Variants in MINDY3 observed in about 807,000 individuals in gnomAD.
MINDY3 encodes the protein MINDY lysine 48 deubiquitinase 3, also known as ubiquitin carboxyl-terminal hydrolase MINDY-3.
A neutral mutation model predicts 69.2 loss-of-function variants in MINDY3; 38 were observed. The ratio of observed to expected loss-of-function variants is 0.55; its 90% CI spans 0.42 to 0.72. MINDY3 has a LOEUF of 0.72. MINDY3 is among the 30% of genes least tolerant of loss of function. MINDY3 has a pLI of 0.00. For synonymous variants in MINDY3, 192 were observed against 180.1 expected (o/e 1.07, Z -0.53); for missense variants, 522 against 519.0 (o/e 1.01, Z -0.06).
chr10:15,830,091 T>C (rs1252463807), intron 8 of MINDY3, among the ~76,000 whole-genome samples: 2 of 152,148 alleles, frequency 1.3e-5, no homozygotes, highest in Non-Finnish European at 2.9e-5. Context: ...GGTTTTCAAA[T>C]AAAGCTTGTT....
intron 12 of MINDY3, 98 bp from the exon 13 acceptor site, chr10:15,786,746 G>A (rs1279714513): frequency 6.9e-6 from 5 of 724,050 alleles, no homozygotes; most frequent in Non-Finnish European, 9.7e-6. Context: ...ACATTCGGCT[G>A]CCAAAAACAC....
At position 15,834,523 on chromosome 10, in the gene MINDY3, A is replaced by C. The variant is rs370107173; in HGVS notation, c.650+20T>G. ...AAAACTGGAGTTCACATGAGGAGACAAGAGATTTTAGTTAATTACCTGCCA... is the reference window on the plus strand; with the variant it reads ...AAAACTGGAGTTCACATGAGGAGACCAGAGATTTTAGTTAATTACCTGCCA... On this transcript the variant is annotated intron_variant, in intron 7 of 14. Coordinates refer to ENST00000277632, the MANE Select transcript of MINDY3 (RefSeq NM_024948.4). The C allele has an allele frequency of 6.4e-7, 1 of 1,564,428 alleles. No homozygotes were observed. The highest frequency in any genetic ancestry group is 8.8e-7 in the Non-Finnish European group (1 of 1,139,492).
At chr10:15,821,096 G>A (rs549596676) in intron 9 of MINDY3, among the ~76,000 whole-genome samples, 3 of 152,286 alleles carry the variant, frequency 2.0e-5, no homozygotes, top group Admixed American at 2.0e-4. Flanking sequence ...TTGTGTAGGA[G>A]GAGAATGAAA....
chr10:15,798,570 C>CTTAG (rs888013527), intron 10 of MINDY3, among the ~76,000 whole-genome samples: 4 of 151,442 alleles, frequency 2.6e-5, no homozygotes, highest in African/African-American at 7.3e-5. Context: ...GAGGTCAGGA[C>CTTAG]TTAGTTAGAG....
In MINDY3 at chr10:15,837,263, A is replaced by G. The variant is rs145286799; in HGVS notation, c.517T>C (p.Ser173Pro). 1 of 1,609,112 alleles carries G rather than the reference A, an allele frequency of 6.2e-7. No homozygotes were observed. The highest frequency in any genetic ancestry group is 1.7e-5 in the Admixed American group (1 of 59,416). Reference protein sequence around the residue: ...ELKDAVLDQYSMWGNKFGVLL... With the variant: ...ELKDAVLDQYPMWGNKFGVLL... ...ACTCCAAATTTATTTCCCCACATTGAATACTGGTCCAAGACAGCATCTTTT... is the reference window on the plus strand; with the variant it reads ...ACTCCAAATTTATTTCCCCACATTGGATACTGGTCCAAGACAGCATCTTTT... The change falls in exon 6 of 15, where the codon TCA becomes CCA. Residue 173 changes from serine to proline, a missense_variant. Physicochemically the swap from Ser to Pro is moderately conservative, Grantham distance 74. Transcript: ENST00000277632.
At chr10:15,797,075 G>C (rs1319198210) in intron 10 of MINDY3, among the ~76,000 whole-genome samples, 2 of 152,034 alleles carry the variant, frequency 1.3e-5, no homozygotes, top group Non-Finnish European at 2.9e-5. Context: ...CTAAACTGCT[G>C]TTCCCCTGTG....
chr10:15,841,638 T>C (rs762612760), intron 3 of MINDY3, 39 bp from the exon 4 acceptor site: 1 of 1,392,036 alleles, frequency 7.2e-7, no homozygotes, highest in Non-Finnish European at 9.7e-7. Context: ...TGGTTTCCTC[T>C]GGAAAAAAAA....
chr10:15,787,668 C>T (rs1195572963), intron 12 of MINDY3, among the ~76,000 whole-genome samples: 1 of 152,104 alleles, frequency 6.6e-6, no homozygotes, highest in Non-Finnish European at 1.5e-5. Context: ...CCGGAAACAC[C>T]TGGGTCAGGC....
chr10:15,802,679 T>G (rs913494956), intron 10 of MINDY3, among the ~76,000 whole-genome samples: 4 of 152,120 alleles, frequency 2.6e-5, no homozygotes. Flanking sequence ...ACAAACCCAT[T>G]TGTTAGCTAT....
intron 8 of MINDY3, among the ~76,000 whole-genome samples, chr10:15,822,880 A>G (rs1462880128): frequency 1.3e-5 from 2 of 152,194 alleles, no homozygotes; most frequent in Non-Finnish European, 2.9e-5. Context: ...CCCTTCAGCT[A>G]ACATACATTA....
intron 14 of MINDY3, among the ~76,000 whole-genome samples, chr10:15,780,996 C>G (rs1222475249): frequency 6.6e-6 from 1 of 152,112 alleles, no homozygotes; most frequent in East Asian, 1.9e-4. Flanking sequence ...TTTGACCTAT[C>G]TTGCAGGGAT....
intron 10 of MINDY3, among the ~76,000 whole-genome samples, chr10:15,808,175 T>C (rs971824149): frequency 6.6e-6 from 1 of 152,204 alleles, no homozygotes; most frequent in African/African-American, 2.4e-5. Flanking sequence ...TAAGTTGTTA[T>C]TTTAAGGTCT....
chr10:15,860,319 G>A lies in MINDY3; in HGVS notation c.-20C>T, dbSNP rs754796459. 2.6e-6 allele frequency: 4 copies of A among 1,564,452 alleles called. No individual in the cohort carries two copies. The highest frequency in any genetic ancestry group is 3.5e-6 in the Non-Finnish European group (4 of 1,148,816). On this transcript the variant is annotated 5_prime_UTR_variant, in exon 1 of 15. Coordinates refer to ENST00000277632, the MANE Select transcript of MINDY3 (RefSeq NM_024948.4). The stretch of plus-strand genomic sequence containing the variant: ...GGACATGATGAGGAACCGGCGGGCG[G>A]ATCTTCGCTTTGCGGACTCCTGCCC...
chr10:15,819,327 T>G (rs1839595490), intron 9 of MINDY3, among the ~76,000 whole-genome samples: 1 of 152,176 alleles, frequency 6.6e-6, no homozygotes, highest in Non-Finnish European at 1.5e-5. Flanking sequence ...TAGAGAGAGA[T>G]GAACACTGTA....
intron 1 of MINDY3, among the ~76,000 whole-genome samples, chr10:15,859,246 G>T (rs1173544783): frequency 6.6e-6 from 1 of 152,086 alleles, no homozygotes; most frequent in Non-Finnish European, 1.5e-5. Context: ...TTTGAAATAG[G>T]GGTTTATATT....
rs138087852 is a variant in MINDY3, at chr10:15,782,254, TTTAAA to T, written c.1117-33_1117-29del. 9.5e-4 allele frequency: 1,369 copies of T among 1,435,224 alleles called. 22 individuals are homozygous for T. The African/African-American group carries it at 0.018, about 18-fold the overall frequency. The allele number at this position is 1,435,224 out of a possible 1,614,324, so 88.9% of individuals were successfully genotyped here. ...ATTATAAATAAAGGACTATTAACAC[TTTAAA>T]TTATATTTATATCAGGCAATTTCTA... On this transcript the variant is annotated intron_variant, in intron 13 of 14. Coordinates refer to ENST00000277632, the MANE Select transcript of MINDY3 (RefSeq NM_024948.4).
intron 10 of MINDY3, 52 bp downstream of exon 10, chr10:15,816,783 T>C: frequency 1.7e-6 from 2 of 1,211,508 alleles, no homozygotes; most frequent in Non-Finnish European, 2.4e-6. Context: ...GAACTTATAA[T>C]ACTTGTTTGC....
chr10:15,784,018 G>A (rs924744607), intron 13 of MINDY3, among the ~76,000 whole-genome samples: 2 of 152,160 alleles, frequency 1.3e-5, no homozygotes, highest in Non-Finnish European at 2.9e-5. Flanking sequence ...AATACCTAGT[G>A]TATGACCTTA....
At chr10:15,779,597 C>A (rs555598485) in intron 14 of MINDY3, among the ~76,000 whole-genome samples, 1 of 152,212 alleles carries the variant, frequency 6.6e-6, no homozygotes, top group East Asian at 1.9e-4. Flanking sequence ...ACATGTGTCT[C>A]CTTCTAATTT....
Sources: gnomAD v4.1 joint callset for allele counts (sites outside exome capture counted in the v4.1 genomes callset) on GRCh38, gnomAD v4.1.1 for gene constraint, MANE v1.5 for transcripts, NCBI Gene and HGNC (gene_info 2026-07-23, HGNC 2026-07-21) for gene names.